DDX10: variants seen among roughly 807,000 people sequenced by gnomAD.
DDX10 encodes the protein DEAD-box helicase 10, also known as probable ATP-dependent RNA helicase DDX10.
Under a neutral mutation model 104.3 loss-of-function variants are expected in DDX10, and 74 were observed. The ratio of observed to expected loss-of-function variants is 0.71; its 90% confidence interval spans 0.59 to 0.86. The LOEUF (loss-of-function observed/expected upper bound fraction) is 0.86. Among genes scored for constraint, DDX10 ranks in the 40% least tolerant of loss-of-function variants. DDX10 has a pLI of 0.00. For synonymous variants in DDX10, 351 were observed against 353.4 expected (o/e 0.99, Z 0.08); for missense variants, 952 against 1,040.0 (o/e 0.92, Z 1.16).
intron 1 of DDX10, among the ~76,000 whole-genome samples, chr11:108,666,735 T>C (rs1180100711): frequency 1.3e-5 from 2 of 152,210 alleles, no homozygotes; most frequent in East Asian, 3.9e-4. Context: ...TCCTCTGTTA[T>C]AAGGGCGCTT....
At chr11:108,701,297 C>T (rs1372697419) in intron 9 of DDX10, among the ~76,000 whole-genome samples, 1 of 152,134 alleles carries the variant, frequency 6.6e-6, no homozygotes, top group Non-Finnish European at 1.5e-5. Flanking sequence ...ACAGACTGCA[C>T]TGTTCTCCCC....
chr11:108,750,964 T>TTTTA (rs1555021557), intron 13 of DDX10, among the ~76,000 whole-genome samples: 1 of 100,902 alleles, frequency 9.9e-6, no homozygotes, highest in African/African-American at 3.8e-5. Context: ...TTTTTTTTTT[T>TTTTA]AGAGATGGGC....
At chr11:108,817,731 G>C (rs550963589) in intron 13 of DDX10, among the ~76,000 whole-genome samples, 66 of 152,236 alleles carry the variant, frequency 4.3e-4, no homozygotes, top group African/African-American at 1.5e-3. Context: ...ATTTGAAGTA[G>C]GCTTAAAAAG....
In DDX10 at chr11:108,665,187, G is replaced by T; in HGVS notation, c.34G>T (p.Ala12Ser). 3.1e-6 allele frequency: 5 copies of T among 1,612,312 alleles called. No individual in the cohort carries two copies. The highest frequency in any genetic ancestry group is 4.2e-6 in the Non-Finnish European group (5 of 1,179,418). The change falls in exon 1 of 18, where the codon GCC becomes TCC. Residue 12 changes from alanine (A) to serine (S), a missense_variant. By Grantham distance (99) the Ala-to-Ser change is moderately conservative. This residue lies in a region of DDX10 where 412 missense variants were observed against 479.2 expected (regional missense o/e 0.86). Transcript: ENST00000322536. ...GKTANSPGSG[A>S]RPDPVRSFNR... ...AACGGCCAACTCTCCGGGTTCGGGAGCCCGACCCGACCCGGTGCGGAGCTT... is the reference window on the plus strand; with the variant it reads ...AACGGCCAACTCTCCGGGTTCGGGATCCCGACCCGACCCGGTGCGGAGCTT...
intron 16 of DDX10, among the ~76,000 whole-genome samples, chr11:108,893,243 G>A (rs907710297): frequency 2.6e-5 from 4 of 152,036 alleles, no homozygotes; most frequent in African/African-American, 9.7e-5. Flanking sequence ...TCATATCATT[G>A]ACTTGGTAGT....
chr11:108,870,156 T>C (rs1020738623), intron 16 of DDX10, among the ~76,000 whole-genome samples: 1 of 152,150 alleles, frequency 6.6e-6, no homozygotes, highest in Non-Finnish European at 1.5e-5. Flanking sequence ...AAAACTTTAT[T>C]AAAAATAGAT....
At chr11:108,711,372 G>A (rs1269415797) in intron 10 of DDX10, among the ~76,000 whole-genome samples, 1 of 152,108 alleles carries the variant, frequency 6.6e-6, no homozygotes, top group Non-Finnish European at 1.5e-5. Flanking sequence ...TTGATCTGTC[G>A]CCCAGGCTGG....
chr11:108,928,733 G>T (rs1471163449), intron 17 of DDX10, among the ~76,000 whole-genome samples: 1 of 152,088 alleles, frequency 6.6e-6, no homozygotes, highest in Non-Finnish European at 1.5e-5. Flanking sequence ...TCTAACGAGG[G>T]TAAAAAGAAA....
chr11:108,928,263 A>G (rs1016157258), intron 17 of DDX10, among the ~76,000 whole-genome samples: 3 of 152,238 alleles, frequency 2.0e-5, no homozygotes, highest in Non-Finnish European at 2.9e-5. Flanking sequence ...ATGGAATAAT[A>G]TATCAGTGAA....
chr11:108,688,031 C>A (rs2094247025), intron 6 of DDX10, among the ~76,000 whole-genome samples: 1 of 152,166 alleles, frequency 6.6e-6, no homozygotes, highest in African/African-American at 2.4e-5. Context: ...CACTCCTCAG[C>A]AATATATGGA....
At chr11:108,710,303 T>G (rs1345935651) in intron 10 of DDX10, among the ~76,000 whole-genome samples, 1 of 152,216 alleles carries the variant, frequency 6.6e-6, no homozygotes, top group Non-Finnish European at 1.5e-5. Flanking sequence ...GCTGTAACTT[T>G]TTTTGTTTTA....
At chr11:108,757,733 T>C (rs149508438) in intron 13 of DDX10, among the ~76,000 whole-genome samples, 12 of 152,170 alleles carry the variant, frequency 7.9e-5, no homozygotes, top group African/African-American at 2.9e-4. Context: ...CTTCTGACCC[T>C]TATAATCTGT....
chr11:108,905,092 C>T (rs898613213), intron 16 of DDX10, among the ~76,000 whole-genome samples: 14 of 152,118 alleles, frequency 9.2e-5, no homozygotes, highest in Non-Finnish European at 1.5e-4. Context: ...TATGGCTCTG[C>T]TCTCCCCACA....
At chr11:108,889,832 A>G (rs943790497) in intron 16 of DDX10, among the ~76,000 whole-genome samples, 2 of 152,242 alleles carry the variant, frequency 1.3e-5, no homozygotes, top group Non-Finnish European at 2.9e-5. Flanking sequence ...TGGCTTGAAT[A>G]GCCACATCAT....
At chr11:108,799,583 A>G (rs1261076522) in intron 13 of DDX10, among the ~76,000 whole-genome samples, 1 of 152,234 alleles carries the variant, frequency 6.6e-6, no homozygotes, top group Non-Finnish European at 1.5e-5. Flanking sequence ...AAGTTAATTC[A>G]TGACCTTCAA....
At chr11:108,935,999 A>T (rs1864032742) in intron 17 of DDX10, among the ~76,000 whole-genome samples, 1 of 152,214 alleles carries the variant, frequency 6.6e-6, no homozygotes, top group Admixed American at 6.5e-5. Context: ...TTCTAGCCAA[A>T]AGCAAAGAAA....
intron 16 of DDX10, among the ~76,000 whole-genome samples, chr11:108,905,913 C>T (rs1863590055): frequency 6.6e-6 from 1 of 152,016 alleles, no homozygotes; most frequent in Non-Finnish European, 1.5e-5. Flanking sequence ...TTCTAAACCA[C>T]CAGATATCGC....
chr11:108,887,381 A>ATATT (rs1863312124), intron 16 of DDX10, among the ~76,000 whole-genome samples: 1 of 151,812 alleles, frequency 6.6e-6, no homozygotes, highest in Non-Finnish European at 1.5e-5. Context: ...TTTTTCTTTT[A>ATATT]TATTTGTCTG....
chr11:108,694,289 G>A (rs1452897870), intron 9 of DDX10, among the ~76,000 whole-genome samples: 4 of 152,108 alleles, frequency 2.6e-5, no homozygotes, highest in South Asian at 2.1e-4. Context: ...CTATTTTCAG[G>A]TGAGGAAACT....
Sources: allele counts gnomAD v4.1 joint callset (sites outside exome capture counted in the v4.1 genomes callset), GRCh38; gene constraint gnomAD v4.1.1; regional missense constraint gnomAD v4.1.1; transcripts MANE v1.5; gene names NCBI Gene and HGNC (gene_info 2026-07-23, HGNC 2026-07-21).